The following SVIL variants were observed in gnomAD, a reference collection of about 807,000 sequenced individuals.
The protein encoded by SVIL is supervillin, also known as archvillin.
In SVIL, 101 loss-of-function variants were observed where a neutral mutation model predicts 240.4. The observed-to-expected ratio is 0.42, with a 90% CI of 0.36 to 0.50. The LOEUF (loss-of-function observed/expected upper bound fraction) is 0.50, where lower values mean the gene tolerates loss of function less well. SVIL is among the 20% of genes least tolerant of loss of function. The pLI is 0.01. For missense variants in SVIL, 2,512 were observed against 2,818.7 expected (o/e 0.89, Z 2.46); for synonymous variants, 999 against 1,100.0 (o/e 0.91, Z 1.82).
chr10:29,606,718 T>C (rs923089461), intron 1 of SVIL, among the ~76,000 whole-genome samples: 7 of 152,218 alleles, frequency 4.6e-5, no homozygotes, highest in African/African-American at 1.7e-4. Flanking sequence ...CAAATAATAA[T>C]GCATTTGTGG....
chr10:29,519,479 T>C (rs1396850671), intron 16 of SVIL, among the ~76,000 whole-genome samples: 1 of 152,150 alleles, frequency 6.6e-6, no homozygotes, highest in East Asian at 1.9e-4. Flanking sequence ...CCCAAATAAA[T>C]GGAGGAATAA....
chr10:29,649,464 C>G (rs368011668), intron 3 of SVIL, among the ~76,000 whole-genome samples: 2 of 152,098 alleles, frequency 1.3e-5, no homozygotes, highest in Non-Finnish European at 2.9e-5. Context: ...AAAATTGCTA[C>G]AAGAAGACTT....
At chr10:29,541,340 G>C (rs1456959601) in intron 6 of SVIL, among the ~76,000 whole-genome samples, 1 of 152,172 alleles carries the variant, frequency 6.6e-6, no homozygotes. Context: ...AGAGGCACAA[G>C]GGATGATGGA....
chr10:29,612,560 T>C (rs1957284954), intron 1 of SVIL, among the ~76,000 whole-genome samples: 1 of 152,128 alleles, frequency 6.6e-6, no homozygotes, highest in South Asian at 2.1e-4. Flanking sequence ...CAAATATGCT[T>C]AAGTTCAACA....
chr10:29,618,235 T>A (rs1957500723), intron 1 of SVIL, among the ~76,000 whole-genome samples: 1 of 152,214 alleles, frequency 6.6e-6, no homozygotes, highest in African/African-American at 2.4e-5. Flanking sequence ...ACAGTTCCGA[T>A]TAGGAACCAT....
At chr10:29,510,162 G>A (rs1949721724) in intron 17 of SVIL, among the ~76,000 whole-genome samples, 1 of 152,176 alleles carries the variant, frequency 6.6e-6, no homozygotes. Context: ...CCAGTGTTGG[G>A]ACTACAGGCA....
chr10:29,690,507 C>G (rs1002342330), intron 1 of SVIL, among the ~76,000 whole-genome samples: 2 of 152,100 alleles, frequency 1.3e-5, no homozygotes, highest in East Asian at 3.9e-4. Context: ...CATTTAGAAC[C>G]AAGCATACAT....
chr10:29,502,090 C>G (rs934753429), intron 17 of SVIL, among the ~76,000 whole-genome samples: 11 of 152,190 alleles, frequency 7.2e-5, no homozygotes, highest in African/African-American at 2.2e-4. Flanking sequence ...GAATTTAAAG[C>G]TCCCATTCGT....
intron 36 of SVIL, among the ~76,000 whole-genome samples, chr10:29,458,961 C>T (rs940746952): frequency 2.6e-5 from 4 of 151,410 alleles, no homozygotes; most frequent in Non-Finnish European, 4.4e-5. Context: ...TATGCATCAC[C>T]AGGCCTGGCT....
rs117645693 is a variant in SVIL, at chr10:29,528,489, A to T, written c.2246+1216T>A. Among the ~76,000 whole-genome samples the T allele has an allele frequency of 4.7e-4, 71 of 152,334 alleles. 1 individual carries two copies. The East Asian group carries it at 0.013, about 29-fold the overall frequency. The stretch of plus-strand genomic sequence containing the variant: ...TACAGTGGCTCACGCCTGTAGCTCC[A>T]GCACTTTGGGAGGCTGAGGTGGGAG... On this transcript the variant is annotated intron_variant, in intron 12 of 37. Coordinates refer to ENST00000355867, the MANE Select transcript of SVIL (RefSeq NM_021738.3).
chr10:29,673,617 C>T (rs539329914), intron 2 of SVIL, among the ~76,000 whole-genome samples: 3 of 151,176 alleles, frequency 2.0e-5, no homozygotes, highest in African/African-American at 7.3e-5. Flanking sequence ...TAGGGGGGAA[C>T]TGCCAAACAC....
At chr10:29,719,977 C>T (rs1963875274) in intron 1 of SVIL, among the ~76,000 whole-genome samples, 1 of 152,050 alleles carries the variant, frequency 6.6e-6, no homozygotes, top group South Asian at 2.1e-4. Flanking sequence ...CATTTAATTC[C>T]AAGCACAAGA....
At chr10:29,561,401 A>C (rs1954459232) in intron 3 of SVIL, among the ~76,000 whole-genome samples, 1 of 152,220 alleles carries the variant, frequency 6.6e-6, no homozygotes, top group Non-Finnish European at 1.5e-5. Flanking sequence ...TATGCATCAA[A>C]TAAAGGAACT....
Position 29,524,699 on chromosome 10 carries a change from G to T in SVIL, c.2359C>A (p.His787Asn). 2 of 1,614,056 alleles carry T rather than the reference G, an allele frequency of 1.2e-6. No individual in the cohort carries two copies. The highest frequency in any genetic ancestry group is 2.2e-5 in the South Asian group (2 of 91,078). ...TGGTCCTTGGCTAAGGCCTTTTGGT[G>T]AGCAGAGGCCTGCAATCTGAAAAAA... Reference protein sequence around the residue: ...VQPARLQASAHQKALAKDQTN... With the variant: ...VQPARLQASANQKALAKDQTN... The change falls in exon 14 of 38, where the codon CAC becomes AAC. Residue 787 changes from histidine to asparagine, a missense_variant. Physicochemically the swap from His to Asn is moderately conservative, Grantham distance 68 (BLOSUM62 1). Around this residue, in one of 3 missense-constraint regions of SVIL, gnomAD observed 1,443 missense variants for 1,486.6 expected, o/e 0.97. Coordinates refer to ENST00000355867, the MANE Select transcript of SVIL (RefSeq NM_021738.3).
intron 1 of SVIL, among the ~76,000 whole-genome samples, chr10:29,700,415 C>T (rs950162579): frequency 6.6e-6 from 1 of 150,882 alleles, no homozygotes. Context: ...GCACACTGCT[C>T]AGTGACTCCC....
At chr10:29,514,932 A>G (rs574627173) in intron 16 of SVIL, among the ~76,000 whole-genome samples, 1 of 152,334 alleles carries the variant, frequency 6.6e-6, no homozygotes, top group African/African-American at 2.4e-5. Flanking sequence ...ATCCGGCGAC[A>G]TCTACGTATG....
At chr10:29,671,674 G>A (rs879428826) in intron 2 of SVIL, among the ~76,000 whole-genome samples, 4 of 152,180 alleles carry the variant, frequency 2.6e-5, no homozygotes, top group African/African-American at 9.7e-5. Context: ...GCTTCTCCTA[G>A]GTCATCCATT....
intron 1 of SVIL, among the ~76,000 whole-genome samples, chr10:29,588,536 T>A (rs943407388): frequency 1.3e-5 from 2 of 152,232 alleles, no homozygotes; most frequent in Non-Finnish European, 2.9e-5. Flanking sequence ...AGGGCCATTA[T>A]GTTGGGGATG....
chr10:29,522,634 C>T lies in SVIL; in HGVS notation c.3165G>A (p.Ala1055=), dbSNP rs761898092. 5.0e-6 allele frequency: 8 copies of T among 1,613,530 alleles called. No individual in the cohort carries two copies. Among genetic ancestry groups the T allele is most frequent in the Middle Eastern group, 3.3e-4 (2 of 6,024 alleles). ...CGGAAGTGGGCTCCCCGAACTCTGCCGCTGGGAAGGAAAAGAGCAACATCA... is the reference window on the plus strand; with the variant it reads ...CGGAAGTGGGCTCCCCGAACTCTGCTGCTGGGAAGGAAAAGAGCAACATCA... ...NVMKRKFSLR[A]AEFGEPTSEQ... is the part of the protein sequence containing the mutation. The change falls in exon 16 of 38, where the codon GCG becomes GCA. Residue 1055 remains alanine, a splice_region_variant and synonymous_variant. Transcript: ENST00000355867.
Sources: gnomAD v4.1 joint callset for allele counts (sites outside exome capture counted in the v4.1 genomes callset) on GRCh38, gnomAD v4.1.1 for gene constraint, gnomAD v4.1.1 regional missense constraint, MANE v1.5 for transcripts, NCBI Gene and HGNC (gene_info 2026-07-23, HGNC 2026-07-21) for gene names.